The following SIRT3 variants were observed in gnomAD, a reference collection of about 807,000 sequenced individuals.
SIRT3 encodes the protein sirtuin 3, also known as NAD-dependent protein deacetylase sirtuin-3, mitochondrial.
A neutral mutation model predicts 33.5 loss-of-function variants in SIRT3; 26 were observed. The ratio of observed to expected loss-of-function variants is 0.78; its 90% CI spans 0.57 to 1.08. SIRT3 has a LOEUF of 1.08. Among genes scored for constraint, SIRT3 ranks in the 50% least tolerant of loss-of-function variants. The pLI is 0.00. For synonymous variants in SIRT3, 237 were observed against 222.1 expected (o/e 1.07, Z -0.60); for missense variants, 585 against 530.1 (o/e 1.10, Z -1.02).
chr11:223,516 C>T lies in SIRT3; in HGVS notation c.969+562G>A, dbSNP rs898832620. On this transcript the variant is annotated intron_variant, in intron 5 of 6. Transcript: ENST00000382743. The surrounding 1 kb of genome is among the most constrained non-coding windows in gnomAD (Gnocchi z 4.8). Reference sequence around the variant, plus strand: ...CTCCCTGACCCCAAGGGTGCAGCTACGTCCCCGGGCCAGTCCCTGTGGATT... The same window carrying T: ...CTCCCTGACCCCAAGGGTGCAGCTATGTCCCCGGGCCAGTCCCTGTGGATT... 16 of 345,998 alleles carry T rather than the reference C, an allele frequency of 4.6e-5. No individual in the cohort carries two copies. The highest frequency in any genetic ancestry group is 2.6e-4 in the South Asian group (11 of 42,792). The allele number at this position is 345,998 out of a possible 1,614,324, so 21.4% of individuals were successfully genotyped here.
At chr11:233,315 A>T in intron 2 of SIRT3, 28 bp downstream of exon 2, 1 of 1,606,792 alleles carries the variant, frequency 6.2e-7, no homozygotes. Flanking sequence ...AGGGGAGCGC[A>T]GAAGGCAGGT....
At chr11:231,975 AC>A (rs748690074) in intron 3 of SIRT3, among the ~76,000 whole-genome samples, 22,563 of 151,776 alleles carry the variant, frequency 0.15, 1,801 homozygotes, top group South Asian at 0.34. Flanking sequence ...AGAAGTTGGC[AC>A]AACCTGTGAA....
intron 4 of SIRT3, among the ~76,000 whole-genome samples, chr11:230,019 CGA>C (rs1857700805): frequency 6.6e-6 from 1 of 151,882 alleles, no homozygotes; most frequent in South Asian, 2.1e-4. Flanking sequence ...GGCGAAGGAG[CGA>C]GAAACATTTT....
intron 6 of SIRT3, 98 bp downstream of exon 6, chr11:218,734 G>C (rs1427561040): frequency 3.2e-6 from 5 of 1,560,530 alleles, no homozygotes; most frequent in Non-Finnish European, 4.3e-6. Flanking sequence ...AGCTATTACT[G>C]TTACTGTGTT....
At chr11:225,141 C>A (rs973049883) in intron 4 of SIRT3, among the ~76,000 whole-genome samples, 1 of 151,306 alleles carries the variant, frequency 6.6e-6, no homozygotes, top group Non-Finnish European at 1.5e-5. Flanking sequence ...AGGCCAGGCG[C>A]AGTGGCTCAG....
At chr11:226,435 A>G (rs1446092378) in intron 4 of SIRT3, among the ~76,000 whole-genome samples, 1 of 151,858 alleles carries the variant, frequency 6.6e-6, no homozygotes, top group Non-Finnish European at 1.5e-5. Context: ...TTGAGATGGC[A>G]TCTCGCTCTG....
chr11:236,864 A>C (rs1859232779), upstream of SIRT3: 2 of 607,478 alleles, frequency 3.3e-6, no homozygotes, highest in South Asian at 2.0e-5. Context: ...AACGCCGGAG[A>C]GTTTTGTCCG....
At position 218,811 on chromosome 11, in the gene SIRT3, G is replaced by A. The variant is rs73386658; in HGVS notation, c.1179+21C>T. 18,416 of 1,614,020 alleles carry A rather than the reference G, an allele frequency of 0.011. 1,813 individuals are homozygous for A. In the African/African-American group the frequency reaches 0.22, roughly 19 times the overall value. On this transcript the variant is annotated intron_variant, in intron 6 of 6. Transcript: ENST00000382743. ...AGTGAGAAGGGCAGCCCCTTGGATG[G>A]TCCTCCTCAGCAGTCTGTACCTTCC...
intron 1 of SIRT3, among the ~76,000 whole-genome samples, chr11:235,137 A>G (rs527948356): frequency 4.5e-4 from 69 of 151,804 alleles, no homozygotes; most frequent in African/African-American, 1.6e-3. Context: ...CATCCTCCCA[A>G]AGTGCTGGGA....
chr11:230,145 G>A (rs528955004), intron 4 of SIRT3, among the ~76,000 whole-genome samples: 1 of 150,780 alleles, frequency 6.6e-6, no homozygotes, highest in Admixed American at 6.6e-5. Flanking sequence ...TCCGGGAGAC[G>A]GAGGTTGCAG....
intron 5 of SIRT3, among the ~76,000 whole-genome samples, chr11:219,900 A>C (rs2133806795): frequency 6.6e-6 from 1 of 152,324 alleles, no homozygotes; most frequent in Non-Finnish European, 1.5e-5. Context: ...GAAAATTTAA[A>C]ATTTTTAAAA....
rs200391532 is a variant in SIRT3, at chr11:215,220, G to C, written c.*1478C>G. 1 of 152,882 alleles carries C rather than the reference G, an allele frequency of 6.5e-6. No homozygotes were observed. The highest frequency in any genetic ancestry group is 1.9e-4 in the East Asian group (1 of 5,196). 9.5% of individuals were successfully genotyped at this position (152,882 alleles called of 1,614,324 possible). On this transcript the variant is annotated 3_prime_UTR_variant, in exon 7 of 7. Transcript: ENST00000382743. ...GTGGATCACTTGAAGCCAGGAGTTC[G>C]AGACCAGCCTGGCCAACATAGCAAA...
At chr11:226,267 G>A (rs976359179) in intron 4 of SIRT3, among the ~76,000 whole-genome samples, 3 of 152,098 alleles carry the variant, frequency 2.0e-5, no homozygotes, top group African/African-American at 7.2e-5. Context: ...CCTAATGGTG[G>A]CTGGGGAGGG....
intron 4 of SIRT3, among the ~76,000 whole-genome samples, chr11:226,393 G>A (rs751728500): frequency 1.2e-4 from 18 of 152,042 alleles, no homozygotes; most frequent in Non-Finnish European, 2.1e-4. Flanking sequence ...GTTGGTTGCA[G>A]GGCTTAGAAT....
At chr11:232,181 G>A (rs939017724) in intron 3 of SIRT3, among the ~76,000 whole-genome samples, 2 of 151,974 alleles carry the variant, frequency 1.3e-5, no homozygotes, top group African/African-American at 2.4e-5. Flanking sequence ...GAAGTGGCAC[G>A]ATCTCGGCTC....
chr11:233,163 G>A lies in SIRT3; in HGVS notation c.526C>T (p.Pro176Ser). The change falls in exon 3 of 7, where the codon CCC becomes TCC. Residue 176 changes from proline to serine, a missense_variant. Pro to Ser is a moderately conservative substitution (Grantham distance 74). Transcript: ENST00000382743. ...AATGGGAGTTCAAAAATGGCCTCGG[G>A]GTACGGGAGATCGTACTGCTGGAGG... ...SNLQQYDLPY[P>S]EAIFELPFFF... 6.2e-7 allele frequency: 1 copy of A among 1,614,124 alleles called. No homozygotes were observed. Among genetic ancestry groups the A allele is most frequent in the Non-Finnish European group, 8.5e-7 (1 of 1,180,026 alleles).
chr11:232,938 C>A, intron 3 of SIRT3, 45 bp downstream of exon 3: 1 of 1,582,452 alleles, frequency 6.3e-7, no homozygotes, highest in Non-Finnish European at 8.7e-7. Context: ...GGCACCCGAG[C>A]CTCCGTGGGA....
chr11:236,392 G>A (rs1304172953), upstream of SIRT3: 1 of 144,792 alleles, frequency 6.9e-6, no homozygotes, highest in Non-Finnish European at 8.2e-6. Context: ...CCCCGCCTCC[G>A]CCTCCCACCC....
intron 1 of SIRT3, chr11:233,802 A>C (rs1858460717): frequency 5.3e-6 from 2 of 377,076 alleles, no homozygotes; most frequent in Non-Finnish European, 9.7e-6. Flanking sequence ...TACACTCAGT[A>C]GGCACTCAAC....
Sources: gnomAD v4.1 joint callset for allele counts (sites outside exome capture counted in the v4.1 genomes callset) on GRCh38, gnomAD v4.1.1 for gene constraint, Gnocchi (gnomAD v3.1) non-coding constraint, MANE v1.5 for transcripts, NCBI Gene and HGNC (gene_info 2026-07-23, HGNC 2026-07-21) for gene names.